The following PI4KA variants were observed in gnomAD, a reference collection of about 807,000 sequenced individuals.
PI4KA encodes phosphatidylinositol 4-kinase alpha.
Under a neutral mutation model 271.4 loss-of-function variants are expected in PI4KA, and 122 were observed. The ratio of observed to expected loss-of-function variants is 0.45; its 90% CI spans 0.39 to 0.52. The LOEUF (loss-of-function observed/expected upper bound fraction) is 0.52. Among genes scored for constraint, PI4KA ranks in the 20% least tolerant of loss-of-function variants. The pLI is 0.00. For synonymous variants in PI4KA, 1,041 were observed against 1,078.8 expected, an observed-to-expected ratio of 0.96 and a Z score of 0.69; for missense variants, 1,969 against 2,769.1, an observed-to-expected ratio of 0.71 and a Z score of 6.48.
intron 28 of PI4KA, among the ~76,000 whole-genome samples, chr22:20,749,693 C>A (rs572495295): frequency 3.9e-4 from 59 of 152,346 alleles, no homozygotes; most frequent in Non-Finnish European, 6.9e-4. Context: ...CGTCAGATGC[C>A]CTCCTTGTGC....
chr22:20,782,721 T>C (rs1199432617), intron 19 of PI4KA, among the ~76,000 whole-genome samples: 2 of 152,158 alleles, frequency 1.3e-5, no homozygotes, highest in Non-Finnish European at 2.9e-5. Context: ...TAAGCATTAC[T>C]GGTATCTAGA....
At chr22:20,737,780 T>C (rs1265139704) in intron 32 of PI4KA, among the ~76,000 whole-genome samples, 31 of 152,070 alleles carry the variant, frequency 2.0e-4, no homozygotes, top group Admixed American at 2.0e-3. Flanking sequence ...TACAGGCACA[T>C]GCCACCACAC....
In PI4KA at chr22:20,807,430, G is replaced by C. The variant is rs1200460607; in HGVS notation, c.1100C>G (p.Thr367Ser). 6.2e-7 allele frequency: 1 copy of C among 1,612,940 alleles called. No homozygotes were observed. Among genetic ancestry groups the C allele is most frequent in the Admixed American group, 1.7e-5 (1 of 60,022 alleles). The change falls in exon 10 of 55, where the codon ACT becomes AGT. Residue 367 changes from threonine to serine, a missense_variant. Around this residue, in one of 13 missense-constraint regions of PI4KA, gnomAD observed 540 missense variants for 555.5 expected, o/e 0.97. Coordinates refer to ENST00000255882, the MANE Select transcript of PI4KA (RefSeq NM_058004.4). ...CAGGTAGAGAGGGTCACTGAAGGAA[G>C]TGTAGTAGAGATCAGCACTGGGGTT... is the stretch of plus-strand genomic sequence containing the variant. The part of the protein sequence containing the change: ...EANPSADLYY[T>S]SFSDPLYLTM...
chr22:20,753,238 C>A, intron 23 of PI4KA, 58 bp from the exon 24 acceptor site: 1 of 1,468,354 alleles, frequency 6.8e-7, no homozygotes, highest in Non-Finnish European at 9.5e-7. Flanking sequence ...ATCCTAGCAA[C>A]TTTCAATCAT....
intron 37 of PI4KA, 70 bp from the exon 38 acceptor site, chr22:20,729,781 G>A: frequency 6.3e-7 from 1 of 1,579,844 alleles, no homozygotes; most frequent in South Asian, 1.1e-5. Context: ...TCTAAACCTA[G>A]AGGAAGCTTG....
At chr22:20,787,748 A>G (rs1412159312) in intron 19 of PI4KA, 1 of 154,272 alleles carries the variant, frequency 6.5e-6, no homozygotes, top group Non-Finnish European at 1.4e-5. Context: ...TATTTTTTGA[A>G]GCTCAAATAT....
In PI4KA at chr22:20,746,617, C is replaced by T. The variant is rs181654733; in HGVS notation, c.3363+966G>A. 6.9e-3 allele frequency among the ~76,000 whole-genome samples: 1,048 copies of T among 152,328 alleles called. 14 individuals are homozygous for T. Among genetic ancestry groups the T allele is most frequent in the African/African-American group, 0.023 (974 of 41,574 alleles). ...TACAGTCTATGAGTTCCGCCTCTGG[C>T]CTCTGTGGCCACCCAGTGGCAGAGA... On this transcript the variant is annotated intron_variant, in intron 29 of 54. Coordinates refer to ENST00000255882, the MANE Select transcript of PI4KA (RefSeq NM_058004.4).
chr22:20,755,009 GAACTCCTGGGCTCA>G (rs1931125584), intron 23 of PI4KA, among the ~76,000 whole-genome samples: 1 of 152,090 alleles, frequency 6.6e-6, no homozygotes, highest in Non-Finnish European at 1.5e-5. Context: ...GGCTGGTCTT[GAACTCCTGGGCTCA>G]AGCAATCCTC....
intron 19 of PI4KA, among the ~76,000 whole-genome samples, chr22:20,766,114 G>A (rs1270071556): frequency 6.6e-6 from 1 of 152,196 alleles, no homozygotes; most frequent in Non-Finnish European, 1.5e-5. Flanking sequence ...ACTGTGGAGG[G>A]TAACAAATGC....
chr22:20,731,100 A>G (rs1468552973), intron 36 of PI4KA, among the ~76,000 whole-genome samples: 1 of 152,106 alleles, frequency 6.6e-6, no homozygotes, highest in African/African-American at 2.4e-5. Context: ...AATTGCTTGC[A>G]CCCAGGAGTT....
intron 19 of PI4KA, among the ~76,000 whole-genome samples, chr22:20,786,655 G>A (rs1439205418): frequency 1.3e-5 from 2 of 152,170 alleles, no homozygotes; most frequent in Admixed American, 6.5e-5. Context: ...TCAGACCACA[G>A]GCACTGCCAA....
intron 19 of PI4KA, among the ~76,000 whole-genome samples, chr22:20,765,917 A>G (rs1029198030): frequency 2.6e-5 from 4 of 152,164 alleles, no homozygotes; most frequent in African/African-American, 9.7e-5. Context: ...CAGGGAGGAA[A>G]AAGCCCTGTT....
In PI4KA at chr22:20,711,754, GT is replaced by G. The variant is rs1008085724; in HGVS notation, c.5803-294del. ...CAAAGTGGCTTACAGATGCCCTGGT[GT>G]TTTTTTTTTAAATGGAGTCTCGCTC... On this transcript the variant is annotated intron_variant, in intron 50 of 54. Coordinates refer to ENST00000255882, the MANE Select transcript of PI4KA (RefSeq NM_058004.4). Among the ~76,000 whole-genome samples the G allele has an allele frequency of 6.7e-5, 10 of 150,242 alleles. No homozygotes were observed. In the South Asian group the frequency reaches 8.5e-4, roughly 13 times the overall value.
chr22:20,833,072 G>T (rs2147755543), intron 3 of PI4KA, among the ~76,000 whole-genome samples: 1 of 152,048 alleles, frequency 6.6e-6, no homozygotes, highest in South Asian at 2.1e-4. Context: ...TTTTGGGGGT[G>T]GTGCTTTTAT....
chr22:20,842,040 A>AC (rs1925616514), intron 1 of PI4KA, among the ~76,000 whole-genome samples: 1 of 151,964 alleles, frequency 6.6e-6, no homozygotes, highest in African/African-American at 2.4e-5. Context: ...ACATTGTGAA[A>AC]CCCCATCTCT....
At chr22:20,744,308 A>T (rs1310423639) in intron 30 of PI4KA, among the ~76,000 whole-genome samples, 3 of 152,204 alleles carry the variant, frequency 2.0e-5, no homozygotes, top group African/African-American at 7.2e-5. Context: ...TAATACATAC[A>T]TCTTACCGAG....
intron 45 of PI4KA, among the ~76,000 whole-genome samples, chr22:20,716,513 G>A (rs1376219806): frequency 6.6e-6 from 1 of 152,150 alleles, no homozygotes; most frequent in Non-Finnish European, 1.5e-5. Flanking sequence ...CTTGCTGTGG[G>A]GTACAGGGAG....
chr22:20,835,229 C>T (rs1449299498), intron 2 of PI4KA, among the ~76,000 whole-genome samples: 2 of 151,956 alleles, frequency 1.3e-5, no homozygotes, highest in South Asian at 2.1e-4. Context: ...AAAAATTTTA[C>T]TTTCCTCTAA....
Position 20,769,584 on chromosome 22 carries a change from G to A in PI4KA, c.2329-3891C>T, listed in dbSNP as rs1274859227. Among the ~76,000 whole-genome samples, 10 of 151,716 alleles carry A rather than the reference G, an allele frequency of 6.6e-5. No individual in the cohort carries two copies. The South Asian group carries it at 8.3e-4, about 13-fold the overall frequency. On this transcript the variant is annotated intron_variant, in intron 19 of 54. Coordinates refer to ENST00000255882, the MANE Select transcript of PI4KA (RefSeq NM_058004.4). ...CTCGGGAGGCTGAAGCAGGAGAATC[G>A]CTTGAAACCAGGAGGCCGAGGTTGC... is the stretch of plus-strand genomic sequence containing the variant.
Sources: gnomAD v4.1 joint callset for allele counts (sites outside exome capture counted in the v4.1 genomes callset) on GRCh38, gnomAD v4.1.1 for gene constraint, gnomAD v4.1.1 regional missense constraint, MANE v1.5 for transcripts, NCBI Gene and HGNC (gene_info 2026-07-23, HGNC 2026-07-21) for gene names.